SYN3: variants seen among roughly 807,000 people sequenced by gnomAD.
The protein encoded by SYN3 is synapsin III.
Under a neutral mutation model 65.8 loss-of-function variants are expected in SYN3, and 35 were observed. The observed-to-expected ratio is 0.53, with a 90% CI of 0.41 to 0.70. The LOEUF (loss-of-function observed/expected upper bound fraction) is 0.70. Among genes scored for constraint, SYN3 ranks in the 30% least tolerant of loss-of-function variants. The probability of loss-of-function intolerance (pLI) is 0.00; values close to 1 mark genes in which losing one functional copy is unlikely to be tolerated. For missense variants in SYN3, 680 were observed against 749.0 expected (o/e 0.91, Z 1.08); for synonymous variants, 270 against 292.9 (o/e 0.92, Z 0.80).
chr22:32,679,839 C>CTTTTTTTTGTTTTTTTTTTTTTTTTTTTT (rs2060497748), intron 6 of SYN3, among the ~76,000 whole-genome samples: 1 of 39,150 alleles, frequency 2.6e-5, no homozygotes, highest in Non-Finnish European at 4.6e-5. Context: ...TGTTTTTTGG[C>CTTTTTTTTGTTTTTTTTTTTTTTTTTTTT]TTTTTTTTTT....
intron 6 of SYN3, among the ~76,000 whole-genome samples, chr22:32,691,831 G>A (rs1190328534): frequency 6.6e-6 from 1 of 152,078 alleles, no homozygotes; most frequent in Non-Finnish European, 1.5e-5. Flanking sequence ...AATAAGGGCA[G>A]AGTCTAGAAG....
intron 6 of SYN3, among the ~76,000 whole-genome samples, chr22:32,732,386 T>C (rs1365384230): frequency 6.6e-6 from 1 of 152,220 alleles, no homozygotes; most frequent in African/African-American, 2.4e-5. Flanking sequence ...ACCTTCACCA[T>C]TATTGTGAAG....
chr22:32,544,652 C>A (rs1039981555), intron 7 of SYN3, among the ~76,000 whole-genome samples: 2 of 152,234 alleles, frequency 1.3e-5, no homozygotes, highest in African/African-American at 4.8e-5. Context: ...AACTTCTTCA[C>A]AGTCTATGTT....
chr22:32,527,562 T>C (rs553791349), intron 12 of SYN3: 1 of 192,748 alleles, frequency 5.2e-6, no homozygotes, highest in South Asian at 8.2e-5. Flanking sequence ...ATCGCACCAC[T>C]GCACTCCAGC....
At chr22:32,848,626 G>C (rs1187708297) in intron 6 of SYN3, among the ~76,000 whole-genome samples, 3 of 152,162 alleles carry the variant, frequency 2.0e-5, no homozygotes, top group South Asian at 2.1e-4. Context: ...TATTTGTCTA[G>C]TGCAAACTAT....
chr22:32,693,879 G>A (rs1042563021), intron 6 of SYN3, among the ~76,000 whole-genome samples: 22 of 151,946 alleles, frequency 1.4e-4, no homozygotes, highest in African/African-American at 4.1e-4. Context: ...CACTGTGCCC[G>A]GCCTGTAACT....
intron 3 of SYN3, among the ~76,000 whole-genome samples, chr22:32,945,150 T>C (rs188068628): frequency 1.5e-4 from 23 of 152,296 alleles, no homozygotes; most frequent in Middle Eastern, 3.4e-3. Context: ...CCATCCCCAT[T>C]AAGCTACCAA....
chr22:32,862,612 T>C (rs1316942220), intron 6 of SYN3: 1 of 152,208 alleles, frequency 6.6e-6, no homozygotes, highest in African/African-American at 2.4e-5. Context: ...CACTAGAGTA[T>C]TTTTATGAGA....
chr22:32,748,368 A>G (rs2145637100), intron 6 of SYN3, among the ~76,000 whole-genome samples: 1 of 152,348 alleles, frequency 6.6e-6, no homozygotes, highest in South Asian at 2.1e-4. Flanking sequence ...CTTTGTACAG[A>G]CAGCAACCTC....
At chr22:32,660,427 C>G (rs1401022596) in intron 6 of SYN3, among the ~76,000 whole-genome samples, 26 of 152,204 alleles carry the variant, frequency 1.7e-4, no homozygotes, top group Non-Finnish European at 5.9e-5. Context: ...CACCAGATGG[C>G]GGCATTCTAG....
intron 7 of SYN3, among the ~76,000 whole-genome samples, chr22:32,569,317 AATCTATCT>A (rs66672625): frequency 9.0e-4 from 127 of 140,894 alleles, no homozygotes; most frequent in African/African-American, 3.1e-3. Context: ...ATCTATATAA[AATCTATCT>A]ATCTATCTCT....
intron 2 of SYN3, among the ~76,000 whole-genome samples, chr22:33,005,052 C>A (rs1053478445): frequency 2.6e-5 from 4 of 152,180 alleles, no homozygotes; most frequent in Non-Finnish European, 5.9e-5. Flanking sequence ...GGCACTCATT[C>A]ATTCTCTCTC....
chr22:32,557,242 A>T (rs1039495360), intron 7 of SYN3, among the ~76,000 whole-genome samples: 1 of 152,044 alleles, frequency 6.6e-6, no homozygotes, highest in African/African-American at 2.4e-5. Flanking sequence ...ACATGAACAG[A>T]TAATTCTATA....
chr22:32,780,979 C>CCTTCCTTCCTTCCTTCCT (rs1569219327), intron 6 of SYN3, among the ~76,000 whole-genome samples: 6 of 79,648 alleles, frequency 7.5e-5, no homozygotes, highest in African/African-American at 2.9e-4. Flanking sequence ...CCTTCCTTCC[C>CCTTCCTTCCTTCCTTCCT]TCCTTCCTTC....
chr22:32,976,500 C>A (rs1569370903), intron 3 of SYN3, among the ~76,000 whole-genome samples: 1 of 152,128 alleles, frequency 6.6e-6, no homozygotes, highest in African/African-American at 2.4e-5. Flanking sequence ...TAATATTAAT[C>A]CATTCATCAA....
chr22:32,541,807 AT>A, intron 7 of SYN3, 94 bp from the exon 8 acceptor site: 1 of 1,441,210 alleles, frequency 6.9e-7, no homozygotes, highest in South Asian at 1.4e-5. Context: ...ATAGACACGA[AT>A]TCCCTTCAGA....
intron 7 of SYN3, 37 bp from the exon 8 acceptor site, chr22:32,541,750 C>T (rs1489867844): frequency 6.2e-7 from 1 of 1,602,322 alleles, no homozygotes. Flanking sequence ...TGCCACCCAC[C>T]CCGTGTTCAC....
chr22:32,859,820 C>A (rs1367361028), intron 6 of SYN3: 1 of 198,358 alleles, frequency 5.0e-6, no homozygotes, highest in African/African-American at 2.4e-5. Context: ...AGACAAGGAA[C>A]TTGCTGAAAG....
chr22:32,922,190 G>A (rs2050352052), intron 4 of SYN3, among the ~76,000 whole-genome samples: 1 of 152,194 alleles, frequency 6.6e-6, no homozygotes, highest in African/African-American at 2.4e-5. Flanking sequence ...GGCATTCATA[G>A]TAGGAGACAT....
Sources: allele counts gnomAD v4.1 joint callset (sites outside exome capture counted in the v4.1 genomes callset), GRCh38; gene constraint gnomAD v4.1.1; transcripts MANE v1.5; gene names NCBI Gene and HGNC (gene_info 2026-07-23, HGNC 2026-07-21).